The following CDH13 variants were observed in gnomAD, a reference collection of about 807,000 sequenced individuals.
CDH13 encodes cadherin 13, also known as cadherin-13.
In CDH13, 24 loss-of-function variants were observed where a neutral mutation model predicts 63.8. The ratio of observed to expected loss-of-function variants is 0.38; its 90% CI spans 0.27 to 0.53. The LOEUF (loss-of-function observed/expected upper bound fraction) is 0.53. Ranked by LOEUF, CDH13 falls within the 20% of genes least tolerant of loss-of-function variation. The probability of loss-of-function intolerance (pLI) is 0.85; values close to 1 mark genes in which losing one functional copy is unlikely to be tolerated. For synonymous variants in CDH13, 503 were observed against 355.3 expected (o/e 1.42, Z -4.67); for missense variants, 1,049 against 903.1 (o/e 1.16, Z -2.07).
rs146652939 is a variant in CDH13 at position 82,965,114 on chromosome 16, C to G, written c.158-66896C>G. 1.7e-3 allele frequency among the ~76,000 whole-genome samples: 254 copies of G among 152,354 alleles called. 1 individual carries two copies. The highest frequency in any genetic ancestry group is 5.9e-3 in the African/African-American group (247 of 41,582). Reference sequence around the variant, plus strand: ...ATGTTAAAACTGATCCACTCTCTAACCAGGAATACTGTTGTCTCACATTCC... The same window carrying G: ...ATGTTAAAACTGATCCACTCTCTAAGCAGGAATACTGTTGTCTCACATTCC... On this transcript the variant is annotated intron_variant, in intron 2 of 13. Transcript: ENST00000567109.
intron 10 of CDH13, among the ~76,000 whole-genome samples, chr16:83,684,164 C>A (rs952892283): frequency 6.6e-6 from 1 of 152,108 alleles, no homozygotes. Context: ...ATCAGGAGTT[C>A]GAGACCAGCC....
At chr16:82,730,309 C>G (rs975506124) in intron 1 of CDH13, among the ~76,000 whole-genome samples, 1 of 152,158 alleles carries the variant, frequency 6.6e-6, no homozygotes, top group African/African-American at 2.4e-5. Context: ...GAGAGGTATG[C>G]AACTCTTCCT....
chr16:83,748,767 T>C (rs1477667449), intron 11 of CDH13, among the ~76,000 whole-genome samples: 1 of 152,246 alleles, frequency 6.6e-6, no homozygotes, highest in Non-Finnish European at 1.5e-5. Flanking sequence ...ACTATCCATA[T>C]GCCAGCCCCT....
In CDH13 at chr16:82,710,878, A is replaced by T. The variant is rs573186451; in HGVS notation, c.45+83741A>T. Reference sequence around the variant, plus strand: ...ACATTTCAGAATCAAACAGCCCATTATAAGCATATATGAAAGAACAGTTTG... The same window carrying T: ...ACATTTCAGAATCAAACAGCCCATTTTAAGCATATATGAAAGAACAGTTTG... On this transcript the variant is annotated intron_variant, in intron 1 of 13. Transcript: ENST00000567109. 2.0e-5 allele frequency among the ~76,000 whole-genome samples: 3 copies of T among 151,654 alleles called. No homozygotes were observed. In the East Asian group the frequency reaches 5.8e-4, roughly 29 times the overall value.
intron 3 of CDH13, among the ~76,000 whole-genome samples, chr16:83,093,291 G>A (rs1462810420): frequency 2.3e-5 from 2 of 87,044 alleles, no homozygotes; most frequent in African/African-American, 8.0e-5. Context: ...AACACCATAA[G>A]TACTTTTTTT....
intron 1 of CDH13, among the ~76,000 whole-genome samples, chr16:82,629,582 C>T (rs539733622): frequency 3.8e-4 from 58 of 152,326 alleles, no homozygotes; most frequent in African/African-American, 1.4e-3. Flanking sequence ...ATTAGTCACT[C>T]GGCCCTGGTG....
intron 5 of CDH13, among the ~76,000 whole-genome samples, chr16:83,268,286 A>C (rs113694932): frequency 3.3e-5 from 5 of 152,236 alleles, no homozygotes; most frequent in Non-Finnish European, 5.9e-5. Context: ...CCATGGAAGT[A>C]TGAACAGAAG....
chr16:83,127,549 G>T (rs1597383012), intron 4 of CDH13, among the ~76,000 whole-genome samples: 1 of 151,992 alleles, frequency 6.6e-6, no homozygotes, highest in South Asian at 2.1e-4. Context: ...GGCCAACGTG[G>T]CGAAACCCCG....
intron 11 of CDH13, among the ~76,000 whole-genome samples, chr16:83,761,992 G>A (rs988147187): frequency 3.3e-5 from 5 of 152,132 alleles, no homozygotes; most frequent in African/African-American, 1.2e-4. Flanking sequence ...GCTTGACCCT[G>A]GGAGGCAGAG....
intron 2 of CDH13, among the ~76,000 whole-genome samples, chr16:83,027,856 A>C (rs1006529200): frequency 6.6e-6 from 1 of 152,176 alleles, no homozygotes; most frequent in African/African-American, 2.4e-5. Flanking sequence ...TGCCTAAGTA[A>C]TAGGTCCCCA....
chr16:82,998,470 C>G (rs954635741), intron 2 of CDH13, among the ~76,000 whole-genome samples: 2 of 152,076 alleles, frequency 1.3e-5, no homozygotes, highest in Non-Finnish European at 2.9e-5. Context: ...AGCCTGTCCT[C>G]TTGGTGATAA....
At chr16:83,751,523 G>C (rs918118478) in intron 11 of CDH13, among the ~76,000 whole-genome samples, 1 of 152,220 alleles carries the variant, frequency 6.6e-6, no homozygotes, top group Admixed American at 6.5e-5. Context: ...GATGTGAGGA[G>C]GGAGGCATTA....
At chr16:83,550,113 C>G (rs1267639207) in intron 7 of CDH13, among the ~76,000 whole-genome samples, 1 of 152,212 alleles carries the variant, frequency 6.6e-6, no homozygotes, top group Non-Finnish European at 1.5e-5. Flanking sequence ...GATTCACAAC[C>G]TTAGACTGCA....
chr16:83,794,992 C>T (rs375516667), intron 13 of CDH13, 31 bp from the exon 14 acceptor site: 13 of 1,583,412 alleles, frequency 8.2e-6, no homozygotes, highest in Non-Finnish European at 1.1e-5. Context: ...TGGTGATATT[C>T]CCGACTTAAC....
rs3046491 is a variant in CDH13 at position 82,851,676 on chromosome 16, C to CGT, written c.46-6662_46-6661dup. On this transcript the variant is annotated intron_variant, in intron 1 of 13. Transcript: ENST00000567109. ...ACATGAGTACATGCACATGTGTGTA[C>CGT]GTGTGTGTGTGTGTGTGTGTGTGTG... Among the ~76,000 whole-genome samples, 405 of 149,800 alleles carry CGT rather than the reference C, an allele frequency of 2.7e-3. 2 individuals are homozygous for CGT. Among genetic ancestry groups the CGT allele is most frequent in the African/African-American group, 7.7e-3 (313 of 40,806 alleles).
chr16:83,165,037 C>G (rs766897254), intron 4 of CDH13, among the ~76,000 whole-genome samples: 9 of 150,110 alleles, frequency 6.0e-5, no homozygotes, highest in Non-Finnish European at 1.0e-4. Context: ...GAGCCCAGCC[C>G]ACGCTCTGAT....
intron 4 of CDH13, among the ~76,000 whole-genome samples, chr16:83,166,320 C>T (rs1041285559): frequency 2.6e-5 from 4 of 152,038 alleles, no homozygotes; most frequent in South Asian, 4.2e-4. Flanking sequence ...GACAGAGCAG[C>T]GGGGAGGAAG....
intron 5 of CDH13, among the ~76,000 whole-genome samples, chr16:83,295,130 G>GA (rs992494714): frequency 6.6e-6 from 1 of 151,932 alleles, no homozygotes; most frequent in South Asian, 2.1e-4. Context: ...CACAATGGGG[G>GA]AAAAAAACTC....
At chr16:82,818,684 G>A (rs2037846738) in intron 1 of CDH13, among the ~76,000 whole-genome samples, 2 of 152,182 alleles carry the variant, frequency 1.3e-5, no homozygotes, top group South Asian at 2.1e-4. Flanking sequence ...TAGAAATCGG[G>A]CATTTTCCAA....
Sources: allele counts gnomAD v4.1 joint callset (sites outside exome capture counted in the v4.1 genomes callset), GRCh38; gene constraint gnomAD v4.1.1; transcripts MANE v1.5; gene names NCBI Gene and HGNC (gene_info 2026-07-23, HGNC 2026-07-21).